The following MMP10 variants were observed in gnomAD, a reference collection of about 807,000 sequenced individuals.
MMP10 encodes matrix metallopeptidase 10, also known as stromelysin-2.
MMP10 carries 50 observed loss-of-function variants against 49.1 expected under a neutral mutation model. That is an observed-to-expected ratio of 1.02 (90% CI 0.81 to 1.29). MMP10 has a LOEUF of 1.29. Among genes scored for constraint, MMP10 ranks in the 50% most tolerant of loss-of-function variants. The probability of loss-of-function intolerance (pLI) is 0.00; values close to 1 mark genes in which losing one functional copy is unlikely to be tolerated. For missense variants in MMP10, 613 were observed against 563.8 expected, an observed-to-expected ratio of 1.09 and a Z score of -0.88; for synonymous variants, 229 against 201.6, an observed-to-expected ratio of 1.14 and a Z score of -1.15.
Position 102,772,161 on chromosome 11 carries a change from C to T in MMP10, c.1227-46G>A. 1 of 1,147,422 alleles carries T rather than the reference C, an allele frequency of 8.7e-7. No homozygotes were observed. The highest frequency in any genetic ancestry group is 1.3e-6 in the Non-Finnish European group (1 of 761,958). 71.1% of individuals were successfully genotyped at this position (1,147,422 alleles called of 1,614,324 possible). On this transcript the variant is annotated intron_variant, in intron 8 of 9. Transcript: ENST00000279441. The surrounding 1 kb of genome is among the most constrained non-coding windows in gnomAD (Gnocchi z 4.4). Reference sequence around the variant, plus strand: ...ACAGTTCAATGATGTGCAGTAGTCCCATTACACACAATAGTATAATGTGAT... The same window carrying T: ...ACAGTTCAATGATGTGCAGTAGTCCTATTACACACAATAGTATAATGTGAT...
In MMP10 at chr11:102,777,403, G is replaced by A. The variant is rs545010981; in HGVS notation, c.623-627C>T. Among the ~76,000 whole-genome samples the A allele has an allele frequency of 1.8e-4, 27 of 151,894 alleles. No homozygotes were observed. The East Asian group carries it at 3.1e-3, about 17-fold the overall frequency. ...CCTGAGTAGCTGTGATTACAGGCACGTGCTACCATGCCCGGCTAATTTTTG... is the reference window on the plus strand; with the variant it reads ...CCTGAGTAGCTGTGATTACAGGCACATGCTACCATGCCCGGCTAATTTTTG... On this transcript the variant is annotated intron_variant, in intron 4 of 9. Transcript: ENST00000279441.
chr11:102,775,356 T>C, intron 6 of MMP10, 35 bp from the exon 7 acceptor site: 2 of 1,549,522 alleles, frequency 1.3e-6, no homozygotes, highest in South Asian at 2.5e-5. Context: ...ATTGTCTTTC[T>C]CTTTTAGATA....
At chr11:102,774,223 T>G (rs897651097) in intron 7 of MMP10, among the ~76,000 whole-genome samples, 13 of 152,220 alleles carry the variant, frequency 8.5e-5, no homozygotes, top group Non-Finnish European at 1.3e-4. Context: ...GAAATGGTTA[T>G]TTATAGGTAT....
chr11:102,774,726 T>C (rs376005755), intron 7 of MMP10, among the ~76,000 whole-genome samples: 38 of 152,302 alleles, frequency 2.5e-4, no homozygotes, highest in African/African-American at 8.7e-4. Context: ...CCTCTATACC[T>C]GAATATCTCC....
In MMP10 at chr11:102,780,477, C is replaced by T. The variant is rs1335618708; in HGVS notation, c.105+10G>A. ...GGCCAGTAGCTGCAATAGATGCCAC[C>T]GTTAATTACCTGGGCAAGATCCTTG... On this transcript the variant is annotated intron_variant, in intron 1 of 9. Transcript: ENST00000279441. 9.3e-6 allele frequency: 15 copies of T among 1,612,668 alleles called. No homozygotes were observed. Among genetic ancestry groups the T allele is most frequent in the East Asian group, 2.2e-5 (1 of 44,888 alleles).
In MMP10 at chr11:102,772,771, TA is replaced by T; in HGVS notation, c.1226+75del. On this transcript the variant is annotated intron_variant, in intron 8 of 9. Coordinates refer to ENST00000279441, the MANE Select transcript of MMP10 (RefSeq NM_002425.3). The surrounding 1 kb of genome is among the most constrained non-coding windows in gnomAD (Gnocchi z 4.4). ...AGAAAGTTAGAGGGTGGGTGTAGGG[TA>T]GGGAAATATCCTTAAAGAAAGAAAA... The T allele has an allele frequency of 6.8e-7, 1 of 1,463,406 alleles. No individual in the cohort carries two copies. The highest frequency in any genetic ancestry group is 9.3e-7 in the Non-Finnish European group (1 of 1,077,112). The allele number at this position is 1,463,406 out of a possible 1,614,324, so 90.7% of individuals were successfully genotyped here. A position where few individuals can be genotyped will look rare whatever the true frequency, so the allele number is the denominator to read the frequency against.
chr11:102,776,722 A>T lies in MMP10; in HGVS notation c.677T>A (p.Phe226Tyr). The T allele has an allele frequency of 6.2e-7, 1 of 1,614,042 alleles. No individual in the cohort carries two copies. The highest frequency in any genetic ancestry group is 8.5e-7 in the Non-Finnish European group (1 of 1,179,948). The change falls in exon 5 of 10, where the codon TTT becomes TAT. Residue 226 changes from phenylalanine (F) to tyrosine (Y), a missense_variant. By Grantham distance (22) the Phe-to-Tyr change is conservative. Transcript: ENST00000279441. ...CAAAGCTTCAGTGTTGGCTGAGTGA[A>T]AGAGCCCCAGGGAGTGGCCAAGTTC... ...AHELGHSLGL[F>Y]HSANTEALMY...
chr11:102,778,844 G>A, intron 3 of MMP10, 95 bp from the exon 4 acceptor site: 1 of 1,424,132 alleles, frequency 7.0e-7, no homozygotes, highest in Non-Finnish European at 9.7e-7. Flanking sequence ...TCTGAATGTT[G>A]GTGTCTGCTG....
intron 4 of MMP10, among the ~76,000 whole-genome samples, chr11:102,778,088 TAA>T (rs1174945691): frequency 6.6e-6 from 1 of 152,234 alleles, no homozygotes; most frequent in African/African-American, 2.4e-5. Flanking sequence ...TGTTTAGATG[TAA>T]AGTGTTTCCA....
At chr11:102,771,334 C>A (rs546776781) in intron 9 of MMP10, among the ~76,000 whole-genome samples, 52 of 152,292 alleles carry the variant, frequency 3.4e-4, no homozygotes, top group Non-Finnish European at 5.9e-4. Context: ...GAGAATCAGA[C>A]AAATGATAAA....
chr11:102,778,804 G>C, intron 3 of MMP10, 55 bp from the exon 4 acceptor site: 1 of 1,599,448 alleles, frequency 6.3e-7, no homozygotes, highest in African/African-American at 1.3e-5. Context: ...TTTTTACCCT[G>C]TTCCAATTAA....
chr11:102,778,362 C>T (rs973885986), intron 4 of MMP10, among the ~76,000 whole-genome samples: 2 of 152,100 alleles, frequency 1.3e-5, no homozygotes, highest in East Asian at 1.9e-4. Context: ...ATCCTCAAAC[C>T]CCCACAAGAT....
In MMP10 at chr11:102,778,668, T is replaced by C. The variant is rs371872352; in HGVS notation, c.578A>G (p.Asp193Gly). 1.3e-4 allele frequency: 205 copies of C among 1,613,844 alleles called. No homozygotes were observed. The highest frequency in any genetic ancestry group is 1.6e-4 in the Middle Eastern group (1 of 6,078). The change falls in exon 4 of 10, where the codon GAT becomes GGT. Residue 193 changes from aspartate to glycine, a missense_variant. Transcript: ENST00000279441. ...TTTTTCATCATCATCAAAGTGAATA[T>C]CTCCATAAAGCCCAGGTCCAGGTGG... The part of the protein sequence containing the change: ...AYPPGPGLYG[D>G]IHFDDDEKWT...
Position 102,773,002 on chromosome 11 carries a change from A to G in MMP10, c.1071T>C (p.Asn357=), listed in dbSNP as rs777300384. 1.9e-6 allele frequency: 3 copies of G among 1,583,644 alleles called. No homozygotes were observed. The highest frequency in any genetic ancestry group is 2.4e-5 in the South Asian group (2 of 84,804). Residue 357 remains asparagine, a synonymous_variant, in exon 8 of 10, where the codon AAT becomes AAC. Transcript: ENST00000279441. Reference sequence around the variant, plus strand: ...CATTTCCTCTGATGGCCCAGAACTCATTTCCTATTGAAAAAATAAATCCAA... The same window carrying G: ...CATTTCCTCTGATGGCCCAGAACTCGTTTCCTATTGAAAAAATAAATCCAA... The part of the protein sequence containing the change: ...SRDTVFIFKG[N]EFWAIRGNEV...
intron 4 of MMP10, 141 bp downstream of exon 4, chr11:102,778,483 A>G (rs1857776465): frequency 9.9e-7 from 1 of 1,006,392 alleles, no homozygotes; most frequent in Admixed American, 2.7e-5. Context: ...TGAAACAAAC[A>G]GTACTTCTGT....
chr11:102,779,366 A>G lies in MMP10; in HGVS notation c.348-5T>C. 6.2e-7 allele frequency: 1 copy of G among 1,613,072 alleles called. No individual in the cohort carries two copies. Among genetic ancestry groups the G allele is most frequent in the Non-Finnish European group, 8.5e-7 (1 of 1,179,734 alleles). On this transcript the variant is annotated splice_polypyrimidine_tract_variant and splice_region_variant and intron_variant, in intron 2 of 9. Coordinates refer to ENST00000279441, the MANE Select transcript of MMP10 (RefSeq NM_002425.3). ...TCTGGTGTATAATTCACAATCCTGG[A>G]GGAGAAAAATTGAAGAGGATGTTAT...
At chr11:102,775,955 T>C (rs1857724329) in intron 6 of MMP10, among the ~76,000 whole-genome samples, 1 of 152,026 alleles carries the variant, frequency 6.6e-6, no homozygotes, top group Admixed American at 6.6e-5. Context: ...TATAAGTCTG[T>C]AAAAAATGAT....
In MMP10 at chr11:102,772,178, T is replaced by A. The variant is rs1861982592; in HGVS notation, c.1227-63A>T. ...AGTAGTCCCATTACACACAATAGTA[T>A]AATGTGATGTTAATTTTCCAGTGTG... On this transcript the variant is annotated intron_variant, in intron 8 of 9. Coordinates refer to ENST00000279441, the MANE Select transcript of MMP10 (RefSeq NM_002425.3). The surrounding 1 kb of genome is among the most constrained non-coding windows in gnomAD (Gnocchi z 4.4). 9.2e-6 allele frequency: 9 copies of A among 981,560 alleles called. No individual in the cohort carries two copies. Among genetic ancestry groups the A allele is most frequent in the Middle Eastern group, 4.3e-4 (2 of 4,694 alleles). 60.8% of individuals were successfully genotyped at this position (981,560 alleles called of 1,614,324 possible).
At chr11:102,778,172 C>A (rs903223285) in intron 4 of MMP10, among the ~76,000 whole-genome samples, 2 of 152,076 alleles carry the variant, frequency 1.3e-5, no homozygotes, top group Non-Finnish European at 2.9e-5. Context: ...GATGACCTAA[C>A]AGTTTTTTTT....
Sources: gnomAD v4.1 joint callset for allele counts (sites outside exome capture counted in the v4.1 genomes callset) on GRCh38, gnomAD v4.1.1 for gene constraint, Gnocchi (gnomAD v3.1) non-coding constraint, MANE v1.5 for transcripts, NCBI Gene and HGNC (gene_info 2026-07-23, HGNC 2026-07-21) for gene names.